The following MTHFD1L variants were observed in gnomAD, a reference collection of about 807,000 sequenced individuals.
The protein encoded by MTHFD1L is methylenetetrahydrofolate dehydrogenase (NADP+ dependent) 1 like, also known as monofunctional C1-tetrahydrofolate synthase, mitochondrial.
MTHFD1L carries 81 observed loss-of-function variants against 119.5 expected under a neutral mutation model. That is an observed-to-expected ratio of 0.68 (90% CI 0.57 to 0.82). MTHFD1L has a LOEUF of 0.82. MTHFD1L is among the 40% of genes least tolerant of loss of function. The pLI is 0.00. For synonymous variants in MTHFD1L, 430 were observed against 475.2 expected (o/e 0.90, Z 1.24); for missense variants, 1,125 against 1,253.4 (o/e 0.90, Z 1.55).
chr6:150,874,832 G>A (rs367828549), intron 1 of MTHFD1L, among the ~76,000 whole-genome samples: 1 of 149,288 alleles, frequency 6.7e-6, no homozygotes, highest in African/African-American at 2.5e-5. Context: ...GCACAATCTC[G>A]GCTCACTGCA....
rs1370330949 is a variant in MTHFD1L at position 150,876,131 on chromosome 6, A to C, written c.269A>C (p.Gln90Pro). 1 of 1,606,574 alleles carries C rather than the reference A, an allele frequency of 6.2e-7. No homozygotes were observed. ...TCAAAAGAAGTTCTAAGTTTATTGC[A>C]AGAAAAAAACCCTGCCTTCAAGCCG... is the stretch of plus-strand genomic sequence containing the variant. ...QNSKEVLSLL[Q>P]EKNPAFKPVL... is the part of the protein sequence containing the mutation. The change falls in exon 2 of 28, where the codon CAA becomes CCA. Residue 90 changes from glutamine to proline, a missense_variant. By Grantham distance (76) the Gln-to-Pro change is moderately conservative (BLOSUM62 -1). Transcript: ENST00000367321.
intron 20 of MTHFD1L, among the ~76,000 whole-genome samples, chr6:151,001,570 T>C (rs1705188619): frequency 6.6e-6 from 1 of 152,110 alleles, no homozygotes. Flanking sequence ...GGTCACTCAT[T>C]TCCCATCCAG....
chr6:150,898,249 G>T (rs117288378), intron 7 of MTHFD1L, among the ~76,000 whole-genome samples: 2 of 152,012 alleles, frequency 1.3e-5, no homozygotes, highest in African/African-American at 4.8e-5. Flanking sequence ...TATATGCCTC[G>T]CACTCACCCA....
chr6:150,875,004 T>C (rs1780178789), intron 1 of MTHFD1L, among the ~76,000 whole-genome samples: 2 of 151,876 alleles, frequency 1.3e-5, no homozygotes, highest in African/African-American at 4.8e-5. Context: ...CGCCTCAGCT[T>C]CCCAAAGTGC....
intron 9 of MTHFD1L, among the ~76,000 whole-genome samples, chr6:150,919,465 T>C (rs1372730326): frequency 6.6e-6 from 1 of 152,078 alleles, no homozygotes; most frequent in African/African-American, 2.4e-5. Context: ...CCTCATGTGA[T>C]CCACCCGCCT....
intron 13 of MTHFD1L, among the ~76,000 whole-genome samples, chr6:150,941,674 T>G (rs1420472321): frequency 6.6e-6 from 1 of 152,136 alleles, no homozygotes; most frequent in African/African-American, 2.4e-5. Context: ...ACATCCAGGG[T>G]ACTGGCTTGA....
At chr6:151,041,888 G>A (rs1232311374) in intron 26 of MTHFD1L, 1 of 496,972 alleles carries the variant, frequency 2.0e-6, no homozygotes, top group African/African-American at 2.0e-5. Flanking sequence ...CCCATGGTGA[G>A]ATGCTGGAGC....
intron 20 of MTHFD1L, among the ~76,000 whole-genome samples, chr6:150,995,950 G>T (rs377399481): frequency 6.6e-5 from 10 of 151,746 alleles, no homozygotes; most frequent in African/African-American, 2.4e-4. Flanking sequence ...CGTGAGCCAC[G>T]GTGCCTGGCC....
intron 11 of MTHFD1L, among the ~76,000 whole-genome samples, chr6:150,930,435 A>T (rs1790841049): frequency 6.6e-6 from 1 of 152,214 alleles, no homozygotes; most frequent in African/African-American, 2.4e-5. Context: ...CCCTCCATTA[A>T]ATGGAGAATT....
At chr6:150,946,573 T>G (rs924918390) in intron 15 of MTHFD1L, among the ~76,000 whole-genome samples, 1 of 152,204 alleles carries the variant, frequency 6.6e-6, no homozygotes, top group African/African-American at 2.4e-5. Context: ...ATCATATTGC[T>G]TGCTACTAGC....
At chr6:150,948,477 A>G (rs1184084182) in intron 15 of MTHFD1L, among the ~76,000 whole-genome samples, 1 of 148,638 alleles carries the variant, frequency 6.7e-6, no homozygotes, top group Non-Finnish European at 1.5e-5. Flanking sequence ...TCTCCACCAT[A>G]CCTGGCTAAT....
chr6:151,099,484 G>A (rs907852810), intron 27 of MTHFD1L: 114 of 1,214,396 alleles, frequency 9.4e-5, no homozygotes, highest in East Asian at 6.0e-4. Flanking sequence ...TCTCTTCCTC[G>A]GCGCTGCCTA....
chr6:150,929,244 A>T (rs1247750606), intron 11 of MTHFD1L, among the ~76,000 whole-genome samples: 2 of 152,232 alleles, frequency 1.3e-5, no homozygotes, highest in East Asian at 3.8e-4. Flanking sequence ...ACTCTTGGCC[A>T]TTAAGACCTT....
chr6:151,100,564 A>T (rs568669103), intron 27 of MTHFD1L, among the ~76,000 whole-genome samples: 2 of 152,090 alleles, frequency 1.3e-5, no homozygotes, highest in African/African-American at 4.8e-5. Context: ...GTGTAAGTTC[A>T]GATTAAAGGC....
intron 26 of MTHFD1L, among the ~76,000 whole-genome samples, chr6:151,071,650 G>T (rs566940448): frequency 5.3e-4 from 80 of 152,096 alleles, no homozygotes; most frequent in African/African-American, 1.8e-3. Context: ...CAGAGAAAAC[G>T]GACTTGTTTT....
rs1263943796 is a variant in MTHFD1L at position 151,101,142 on chromosome 6, A to G, written c.*32-384A>G. 2.0e-5 allele frequency among the ~76,000 whole-genome samples: 3 copies of G among 152,206 alleles called. No individual in the cohort carries two copies. The East Asian group carries it at 5.8e-4, about 29-fold the overall frequency. The stretch of plus-strand genomic sequence containing the variant: ...CCACTACACTCCAGCCTGGGCGACA[A>G]AGTGAGACTCTGTCTCAAAAAATTA... On this transcript the variant is annotated intron_variant, in intron 27 of 27. Coordinates refer to ENST00000367321, the MANE Select transcript of MTHFD1L (RefSeq NM_015440.5).
chr6:151,001,620 G>A (rs1780633410), intron 20 of MTHFD1L, among the ~76,000 whole-genome samples: 2 of 152,144 alleles, frequency 1.3e-5, no homozygotes. Flanking sequence ...AGGTTAGGAA[G>A]GCAAGTCTTG....
At chr6:151,086,419 C>A (rs1470183005) in intron 26 of MTHFD1L, among the ~76,000 whole-genome samples, 1 of 152,190 alleles carries the variant, frequency 6.6e-6, no homozygotes, top group Non-Finnish European at 1.5e-5. Flanking sequence ...CCGTCCCTCA[C>A]ATCCAAAGAA....
intron 26 of MTHFD1L, among the ~76,000 whole-genome samples, chr6:151,057,699 G>A (rs117634059): frequency 0.032 from 4,896 of 152,166 alleles, 156 homozygotes; most frequent in Admixed American, 0.099. Context: ...ACACATATAC[G>A]ATAAGATAGT....
Sources: allele counts gnomAD v4.1 joint callset (sites outside exome capture counted in the v4.1 genomes callset), GRCh38; gene constraint gnomAD v4.1.1; transcripts MANE v1.5; gene names NCBI Gene and HGNC (gene_info 2026-07-23, HGNC 2026-07-21).